VPS13B: variants seen among roughly 807,000 people sequenced by gnomAD.
VPS13B encodes the protein intermembrane lipid transfer protein VPS13B.
In VPS13B, 285 loss-of-function variants were observed where a neutral mutation model predicts 426.4. The ratio of observed to expected loss-of-function variants is 0.67; its 90% CI spans 0.61 to 0.74. The LOEUF (loss-of-function observed/expected upper bound fraction) is 0.74, where lower values mean the gene tolerates loss of function less well. Ranked by LOEUF, VPS13B falls within the 30% of genes least tolerant of loss-of-function variation. The pLI, the probability that VPS13B is intolerant of heterozygous loss-of-function variation, is 0.00. For missense variants in VPS13B, 4,537 were observed against 4,782.6 expected, an observed-to-expected ratio of 0.95 and a Z score of 1.51; for synonymous variants, 1,676 against 1,676.4, an observed-to-expected ratio of 1.00 and a Z score of 0.01.
At chr8:99,278,792 T>C (rs778220620) in intron 19 of VPS13B, among the ~76,000 whole-genome samples, 1 of 152,248 alleles carries the variant, frequency 6.6e-6, no homozygotes, top group African/African-American at 2.4e-5. Context: ...AGCATTTCTT[T>C]GTCTTTGAAG....
chr8:99,184,495 G>A (rs1395321857), intron 16 of VPS13B, among the ~76,000 whole-genome samples: 1 of 152,070 alleles, frequency 6.6e-6, no homozygotes, highest in Non-Finnish European at 1.5e-5. Context: ...TGGATTTTAT[G>A]TATGGTAATA....
Position 99,274,300 on chromosome 8 carries a change from T to C in VPS13B, c.2618T>C (p.Met873Thr), listed in dbSNP as rs112259211. The change falls in exon 18 of 62, where the codon ATG (methionine) becomes ACG (threonine). Residue 873 changes from methionine (M) to threonine (T), a missense_variant. By Grantham distance (81) the Met-to-Thr change is moderately conservative. Coordinates refer to ENST00000357162, the MANE Select transcript of VPS13B (RefSeq NM_152564.5). ...TTGGTCAAATGTGCCTCTGGGACCA[T>C]GGGATCAATAAAAATTTGTGCCAAA... is the stretch of plus-strand genomic sequence containing the variant. ...TSLVKCASGT[M>T]GSIKICAKAP... 29 of 1,613,954 alleles carry C rather than the reference T, an allele frequency of 1.8e-5. No individual in the cohort carries two copies. The highest frequency in any genetic ancestry group is 2.4e-5 in the Non-Finnish European group (28 of 1,179,996).
intron 8 of VPS13B, among the ~76,000 whole-genome samples, chr8:99,124,380 G>T (rs543900121): frequency 6.6e-6 from 1 of 152,116 alleles, no homozygotes; most frequent in African/African-American, 2.4e-5. Context: ...AAAATTAAAC[G>T]TAGAATTACC....
intron 19 of VPS13B, among the ~76,000 whole-genome samples, chr8:99,375,900 A>G (rs1228265427): frequency 6.6e-6 from 1 of 152,218 alleles, no homozygotes; most frequent in African/African-American, 2.4e-5. Context: ...ACTTTTTCCT[A>G]ATATAACTTG....
At chr8:99,122,889 G>C (rs1277916850) in intron 8 of VPS13B, among the ~76,000 whole-genome samples, 1 of 151,892 alleles carries the variant, frequency 6.6e-6, no homozygotes, top group African/African-American at 2.4e-5. Context: ...GAGGCGGCCA[G>C]ATCACCTGAG....
In VPS13B at chr8:99,121,140, TTTGAC is replaced by T. The variant is rs774544654; in HGVS notation, c.938-34_938-30del. The T allele has an allele frequency of 1.6e-5, 25 of 1,587,262 alleles. No homozygotes were observed. In the African/African-American group the frequency reaches 3.2e-4, roughly 21 times the overall value. ...ATTTCTATTCTCTTAGTTAAATCCT[TTTGAC>T]TTATTTAAAATGACTTAATTTTAAT... On this transcript the variant is annotated intron_variant, in intron 7 of 61. Transcript: ENST00000357162.
chr8:99,369,837 A>G (rs1280309803), intron 19 of VPS13B, among the ~76,000 whole-genome samples: 1 of 152,188 alleles, frequency 6.6e-6, no homozygotes, highest in Non-Finnish European at 1.5e-5. Context: ...TTGATCCTAC[A>G]GTGTCCCCAG....
At chr8:99,452,083 C>T (rs1432590897) in intron 23 of VPS13B, among the ~76,000 whole-genome samples, 2 of 152,166 alleles carry the variant, frequency 1.3e-5, no homozygotes, top group African/African-American at 2.4e-5. Context: ...AGACCCCATA[C>T]GAATTGGCCC....
chr8:99,488,359 G>C (rs1820414872), intron 25 of VPS13B, among the ~76,000 whole-genome samples: 4 of 151,980 alleles, frequency 2.6e-5, no homozygotes, highest in Non-Finnish European at 4.4e-5. Flanking sequence ...AACAAAAAAA[G>C]AATGTTAGTA....
intron 8 of VPS13B, among the ~76,000 whole-genome samples, chr8:99,125,118 T>C (rs1848134296): frequency 1.3e-5 from 2 of 152,142 alleles, no homozygotes; most frequent in South Asian, 4.1e-4. Flanking sequence ...TGATAGGCCG[T>C]CTGCAAGTTG....
chr8:99,511,532 T>A lies in VPS13B; in HGVS notation c.4633+20T>A. On this transcript the variant is annotated intron_variant, in intron 29 of 61. Transcript: ENST00000357162. The stretch of plus-strand genomic sequence containing the variant: ...TTGAAGGTATTGTCTTCTGATTTTT[T>A]TTGTCTGATTTTAAATAATTTTCTT... 1 of 1,603,588 alleles carries A rather than the reference T, an allele frequency of 6.2e-7. No individual in the cohort carries two copies. The highest frequency in any genetic ancestry group is 8.5e-7 in the Non-Finnish European group (1 of 1,176,802).
At chr8:99,242,656 CTAGATA>C (rs886931744) in intron 17 of VPS13B, among the ~76,000 whole-genome samples, 1 of 152,102 alleles carries the variant, frequency 6.6e-6, no homozygotes, top group African/African-American at 2.4e-5. Context: ...CTAAGTATAT[CTAGATA>C]TATTGATTCT....
intron 40 of VPS13B, among the ~76,000 whole-genome samples, chr8:99,768,912 T>C (rs1811354174): frequency 6.6e-6 from 1 of 152,216 alleles, no homozygotes; most frequent in Non-Finnish European, 1.5e-5. Context: ...TTTTTAAATC[T>C]GAGTTTCATT....
intron 22 of VPS13B, among the ~76,000 whole-genome samples, chr8:99,435,210 T>A (rs1430918867): frequency 5.3e-5 from 8 of 152,202 alleles, no homozygotes; most frequent in Non-Finnish European, 1.0e-4. Context: ...CACCATTGTG[T>A]GGTTTAGAAT....
At chr8:99,082,336 G>A (rs1430003341) in intron 3 of VPS13B, among the ~76,000 whole-genome samples, 1 of 152,104 alleles carries the variant, frequency 6.6e-6, no homozygotes, top group African/African-American at 2.4e-5. Context: ...AAATTTGTCT[G>A]AGTTCATTGT....
chr8:99,397,580 G>C lies in VPS13B; in HGVS notation c.3082+5876G>C, dbSNP rs972530798. Among the ~76,000 whole-genome samples, 53 of 152,146 alleles carry C rather than the reference G, an allele frequency of 3.5e-4. 2 individuals are homozygous for C. The highest frequency in any genetic ancestry group is 3.4e-3 in the Admixed American group (52 of 15,276). Reference sequence around the variant, plus strand: ...ATATCAGACTACTCTAAATAACAGTGCTTTAAACAAGATCCAATTTTGTCT... The same window carrying C: ...ATATCAGACTACTCTAAATAACAGTCCTTTAAACAAGATCCAATTTTGTCT... On this transcript the variant is annotated intron_variant, in intron 21 of 61. Transcript: ENST00000357162.
intron 17 of VPS13B, among the ~76,000 whole-genome samples, chr8:99,255,081 G>A (rs1037871797): frequency 1.2e-4 from 18 of 151,122 alleles, no homozygotes; most frequent in African/African-American, 4.4e-4. Flanking sequence ...TTCACATTGG[G>A]TAATTTCTGT....
At chr8:99,420,821 C>T (rs1161933506) in intron 21 of VPS13B, among the ~76,000 whole-genome samples, 1 of 152,104 alleles carries the variant, frequency 6.6e-6, no homozygotes, top group Non-Finnish European at 1.5e-5. Flanking sequence ...AATCAGTTAC[C>T]ATTTCTCAGA....
At chr8:99,298,207 G>A (rs888022892) in intron 19 of VPS13B, among the ~76,000 whole-genome samples, 3 of 152,070 alleles carry the variant, frequency 2.0e-5, no homozygotes, top group Admixed American at 1.3e-4. Context: ...TACTTTTGTC[G>A]GCCGGGTGCG....
Sources: gnomAD v4.1 joint callset for allele counts (sites outside exome capture counted in the v4.1 genomes callset) on GRCh38, gnomAD v4.1.1 for gene constraint, MANE v1.5 for transcripts, NCBI Gene and HGNC (gene_info 2026-07-23, HGNC 2026-07-21) for gene names.